Variants in ST6GALNAC3 observed in about 807,000 individuals in gnomAD.
ST6GALNAC3 encodes the protein ST6 N-acetylgalactosaminide alpha-2,6-sialyltransferase 3.
ST6GALNAC3 carries 25 observed loss-of-function variants against 32.7 expected under a neutral mutation model. The ratio of observed to expected loss-of-function variants is 0.76; its 90% CI spans 0.56 to 1.07. The LOEUF (loss-of-function observed/expected upper bound fraction) is 1.07. ST6GALNAC3 is among the 50% of genes least tolerant of loss of function. The pLI is 0.00. For missense variants in ST6GALNAC3, 355 were observed against 382.4 expected (o/e 0.93, Z 0.60); for synonymous variants, 129 against 133.1 (o/e 0.97, Z 0.21).
intron 3 of ST6GALNAC3, among the ~76,000 whole-genome samples, chr1:76,449,403 T>A (rs1193742770): frequency 6.6e-6 from 1 of 152,230 alleles, no homozygotes; most frequent in Non-Finnish European, 1.5e-5. Context: ...CAAAATTTTG[T>A]GTGGACATAG....
intron 2 of ST6GALNAC3, among the ~76,000 whole-genome samples, chr1:76,351,649 T>G (rs1292510103): frequency 6.6e-6 from 1 of 152,186 alleles, no homozygotes; most frequent in African/African-American, 2.4e-5. Flanking sequence ...AAATTTATTC[T>G]TATAATTAAA....
At chr1:76,468,494 C>T (rs569291556) in intron 3 of ST6GALNAC3, among the ~76,000 whole-genome samples, 3 of 152,066 alleles carry the variant, frequency 2.0e-5, no homozygotes, top group East Asian at 1.9e-4. Context: ...AGATTGGCCT[C>T]GAATCTGTCA....
intron 3 of ST6GALNAC3, among the ~76,000 whole-genome samples, chr1:76,558,817 T>C (rs1396805632): frequency 1.3e-5 from 2 of 152,192 alleles, no homozygotes; most frequent in Non-Finnish European, 2.9e-5. Context: ...TGTTTTGAAT[T>C]TGATATTTTA....
chr1:76,511,430 C>T (rs561786280), intron 3 of ST6GALNAC3, among the ~76,000 whole-genome samples: 47 of 152,274 alleles, frequency 3.1e-4, no homozygotes, highest in African/African-American at 1.1e-3. Context: ...TACCTTCCCC[C>T]ACTCACTAAC....
chr1:76,298,570 A>G (rs1660545312), intron 1 of ST6GALNAC3, among the ~76,000 whole-genome samples: 1 of 152,004 alleles, frequency 6.6e-6, no homozygotes, highest in Non-Finnish European at 1.5e-5. Flanking sequence ...AATATTTGAC[A>G]TGTCTTCCTT....
At chr1:76,564,230 G>A (rs1255797395) in intron 3 of ST6GALNAC3, among the ~76,000 whole-genome samples, 3 of 152,326 alleles carry the variant, frequency 2.0e-5, no homozygotes, top group Admixed American at 2.0e-4. Flanking sequence ...CATGGACCCA[G>A]TGGGAGATAA....
intron 3 of ST6GALNAC3, among the ~76,000 whole-genome samples, chr1:76,617,843 G>A (rs752440259): frequency 6.6e-6 from 1 of 152,136 alleles, no homozygotes; most frequent in Non-Finnish European, 1.5e-5. Flanking sequence ...AGAAAGCCAG[G>A]CCTAAAGAAT....
chr1:76,594,610 G>T (rs987317157), intron 3 of ST6GALNAC3, among the ~76,000 whole-genome samples: 1 of 152,116 alleles, frequency 6.6e-6, no homozygotes, highest in African/African-American at 2.4e-5. Context: ...GCATAGATTA[G>T]CTAGCTAGCT....
At position 76,128,101 on chromosome 1, in the gene ST6GALNAC3, C is replaced by T. The variant is rs2631781; in HGVS notation, c.18+53217C>T. The stretch of plus-strand genomic sequence containing the variant: ...GCAAAGAGTATAACACCACCAATCA[C>T]GAGAAGTCGGAGCCCATTGACCTTG... On this transcript the variant is annotated intron_variant, in intron 1 of 4. Transcript: ENST00000328299. Among the ~76,000 whole-genome samples, 1,290 of 152,226 alleles carry T rather than the reference C, an allele frequency of 8.5e-3. 14 individuals carry two copies. The highest frequency in any genetic ancestry group is 0.028 in the African/African-American group (1,166 of 41,506).
chr1:76,266,109 A>G (rs1461580398), intron 1 of ST6GALNAC3, among the ~76,000 whole-genome samples: 1 of 152,244 alleles, frequency 6.6e-6, no homozygotes, highest in Non-Finnish European at 1.5e-5. Flanking sequence ...GGAAATAGGT[A>G]GCAACAGAAA....
At chr1:76,315,539 G>T (rs533203681) in intron 2 of ST6GALNAC3, among the ~76,000 whole-genome samples, 3 of 152,046 alleles carry the variant, frequency 2.0e-5, no homozygotes, top group Non-Finnish European at 4.4e-5. Context: ...TTATTTTGAT[G>T]TAGTTTTTAA....
chr1:76,606,093 T>C (rs1393534347), intron 3 of ST6GALNAC3, among the ~76,000 whole-genome samples: 1 of 151,824 alleles, frequency 6.6e-6, no homozygotes, highest in South Asian at 2.1e-4. Context: ...TGTGGAGAAA[T>C]AGGAACGCTT....
At chr1:76,246,355 CT>C (rs1657257442) in intron 1 of ST6GALNAC3, among the ~76,000 whole-genome samples, 1 of 152,098 alleles carries the variant, frequency 6.6e-6, no homozygotes. Flanking sequence ...GGTCTTGAGT[CT>C]TTATCCAATT....
rs1651700860 is a variant in ST6GALNAC3 at position 76,381,327 on chromosome 1, T to C, written c.214-30681T>C. 2.0e-5 allele frequency among the ~76,000 whole-genome samples: 3 copies of C among 152,118 alleles called. No individual in the cohort carries two copies. The South Asian group carries it at 6.2e-4, about 32-fold the overall frequency. ...TTGCTTTGCCAGGGGCAAGTGTTGA[T>C]ATAGACAACATTTGGAATTTGGAGT... On this transcript the variant is annotated intron_variant, in intron 2 of 4. Transcript: ENST00000328299.
At chr1:76,129,858 T>A (rs1489235157) in intron 1 of ST6GALNAC3, among the ~76,000 whole-genome samples, 6 of 152,198 alleles carry the variant, frequency 3.9e-5, no homozygotes, top group Non-Finnish European at 5.9e-5. Flanking sequence ...AGATCCAGTG[T>A]GATCCATCTG....
intron 3 of ST6GALNAC3, among the ~76,000 whole-genome samples, chr1:76,604,148 A>T (rs1270907465): frequency 2.0e-5 from 3 of 152,204 alleles, no homozygotes; most frequent in Non-Finnish European, 2.9e-5. Flanking sequence ...CATTTTTAAT[A>T]GGTAAGAAGT....
intron 1 of ST6GALNAC3, among the ~76,000 whole-genome samples, chr1:76,091,265 A>G (rs190861): frequency 6.6e-6 from 1 of 152,170 alleles, no homozygotes; most frequent in Non-Finnish European, 1.5e-5. Context: ...AAATAAAGCT[A>G]TTAATGTAGG....
intron 3 of ST6GALNAC3, among the ~76,000 whole-genome samples, chr1:76,545,823 A>AT (rs1664264331): frequency 1.3e-5 from 2 of 151,720 alleles, no homozygotes; most frequent in African/African-American, 2.4e-5. Flanking sequence ...CATCCAGCTA[A>AT]TTTTTTTGTA....
chr1:76,277,060 G>T (rs1019744089), intron 1 of ST6GALNAC3, among the ~76,000 whole-genome samples: 2 of 152,042 alleles, frequency 1.3e-5, no homozygotes, highest in African/African-American at 4.8e-5. Context: ...TACTAATCCA[G>T]GGTCAGTTAT....
Sources: allele counts gnomAD v4.1 joint callset (sites outside exome capture counted in the v4.1 genomes callset), GRCh38; gene constraint gnomAD v4.1.1; transcripts MANE v1.5; gene names NCBI Gene and HGNC (gene_info 2026-07-23, HGNC 2026-07-21).